Variants in ADAMTS17 observed in about 807,000 individuals in gnomAD.
The protein encoded by ADAMTS17 is ADAM metallopeptidase with thrombospondin type 1 motif 17.
A neutral mutation model predicts 141.5 loss-of-function variants in ADAMTS17; 113 were observed. The observed-to-expected ratio is 0.80, with a 90% CI of 0.69 to 0.93. The LOEUF (loss-of-function observed/expected upper bound fraction) is 0.93. Ranked by LOEUF, ADAMTS17 falls within the 40% of genes least tolerant of loss-of-function variation. The probability of loss-of-function intolerance (pLI) is 0.00; values close to 1 mark genes in which losing one functional copy is unlikely to be tolerated. For synonymous variants in ADAMTS17, 768 were observed against 630.6 expected (o/e 1.22, Z -3.27); for missense variants, 1,659 against 1,517.9 (o/e 1.09, Z -1.54).
intron 10 of ADAMTS17, among the ~76,000 whole-genome samples, chr15:100,133,962 A>G (rs1408685704): frequency 2.0e-5 from 3 of 152,254 alleles, no homozygotes; most frequent in Non-Finnish European, 4.4e-5. Context: ...AATTAAAATA[A>G]TTCCACTAAA....
At chr15:100,153,215 G>A (rs866824060) in intron 9 of ADAMTS17, among the ~76,000 whole-genome samples, 1 of 152,116 alleles carries the variant, frequency 6.6e-6, no homozygotes, top group Non-Finnish European at 1.5e-5. Flanking sequence ...GGTTCTTTTC[G>A]AGTGCTTGTG....
chr15:100,175,744 C>T (rs1343345039), intron 8 of ADAMTS17, among the ~76,000 whole-genome samples: 1 of 152,098 alleles, frequency 6.6e-6, no homozygotes, highest in East Asian at 1.9e-4. Flanking sequence ...GTGTCAACTC[C>T]AGCTTGTGGT....
At chr15:100,109,214 G>C in intron 13 of ADAMTS17, 98 bp from the exon 14 acceptor site, 1 of 1,528,030 alleles carries the variant, frequency 6.5e-7, no homozygotes, top group Non-Finnish European at 8.9e-7. Flanking sequence ...CTGAGGAAGA[G>C]AGGTCCGCAC....
intron 15 of ADAMTS17, among the ~76,000 whole-genome samples, chr15:100,093,797 G>A (rs115046289): frequency 0.01 from 1,582 of 152,164 alleles, 26 homozygotes; most frequent in African/African-American, 0.036. Flanking sequence ...CCCCTCCCTC[G>A]ACTGTACCTG....
chr15:100,005,083 G>T (rs910829270), intron 18 of ADAMTS17, among the ~76,000 whole-genome samples: 1 of 152,204 alleles, frequency 6.6e-6, no homozygotes, highest in Non-Finnish European at 1.5e-5. Flanking sequence ...GGAAGTCACA[G>T]TTAACGCTTC....
chr15:100,204,043 C>G (rs1364336773), intron 7 of ADAMTS17, among the ~76,000 whole-genome samples: 1 of 152,216 alleles, frequency 6.6e-6, no homozygotes, highest in Non-Finnish European at 1.5e-5. Context: ...CATTTGTCTT[C>G]TTTCCTTTCC....
At chr15:100,235,028 T>G (rs2042610898) in intron 7 of ADAMTS17, among the ~76,000 whole-genome samples, 1 of 152,092 alleles carries the variant, frequency 6.6e-6, no homozygotes, top group African/African-American at 2.4e-5. Context: ...GTTCACGGAA[T>G]AAAACCCCAG....
chr15:100,311,397 CT>C (rs1011244242), intron 3 of ADAMTS17, among the ~76,000 whole-genome samples: 4 of 152,256 alleles, frequency 2.6e-5, no homozygotes, highest in Non-Finnish European at 5.9e-5. Flanking sequence ...AGCCTCAGGG[CT>C]GGACCAGCTG....
chr15:100,281,139 TGAG>T, intron 4 of ADAMTS17, 87 bp downstream of exon 4: 1 of 1,560,830 alleles, frequency 6.4e-7, no homozygotes, highest in Non-Finnish European at 8.7e-7. Flanking sequence ...CTTCCTCACT[TGAG>T]GAGATGAGGA....
intron 18 of ADAMTS17, among the ~76,000 whole-genome samples, chr15:100,045,363 C>T (rs1161378912): frequency 6.6e-6 from 1 of 152,126 alleles, no homozygotes; most frequent in Non-Finnish European, 1.5e-5. Context: ...TTTGGAGTGG[C>T]TAGTGACCAC....
At chr15:100,114,259 C>T (rs1157184104) in intron 13 of ADAMTS17, among the ~76,000 whole-genome samples, 2 of 151,686 alleles carry the variant, frequency 1.3e-5, no homozygotes, top group African/African-American at 2.4e-5. Flanking sequence ...AATTCCGCAG[C>T]GATAGCACTG....
chr15:100,172,962 G>A (rs9806615), intron 8 of ADAMTS17, among the ~76,000 whole-genome samples: 15,609 of 152,196 alleles, frequency 0.1, 1,507 homozygotes, highest in African/African-American at 0.24. Flanking sequence ...AGCCATTGCT[G>A]CAGTGTAGAA....
chr15:100,308,739 C>A (rs983549087), intron 3 of ADAMTS17, among the ~76,000 whole-genome samples: 2 of 152,268 alleles, frequency 1.3e-5, no homozygotes, highest in South Asian at 4.1e-4. Flanking sequence ...ACTTTCTCCA[C>A]GAGACAACCC....
intron 3 of ADAMTS17, among the ~76,000 whole-genome samples, chr15:100,329,837 C>G (rs747742618): frequency 1.3e-5 from 2 of 152,190 alleles, no homozygotes; most frequent in Non-Finnish European, 2.9e-5. Context: ...CTGAGCTCAA[C>G]TGCAAAACTT....
intron 15 of ADAMTS17, chr15:100,063,576 C>T: frequency 9.4e-7 from 1 of 1,065,548 alleles, no homozygotes; most frequent in Non-Finnish European, 1.3e-6. Flanking sequence ...AGGCGTGAAA[C>T]CAGCCATAAC....
intron 20 of ADAMTS17, among the ~76,000 whole-genome samples, chr15:99,987,620 A>G (rs1026355936): frequency 1.3e-5 from 2 of 152,222 alleles, no homozygotes; most frequent in Non-Finnish European, 2.9e-5. Context: ...CGGCAAACGT[A>G]AACAGTCCGA....
At chr15:100,304,808 A>T (rs2045166541) in intron 3 of ADAMTS17, among the ~76,000 whole-genome samples, 1 of 152,048 alleles carries the variant, frequency 6.6e-6, no homozygotes, top group Admixed American at 6.6e-5. Context: ...TTATACATGG[A>T]TTTTCACCTC....
intron 7 of ADAMTS17, among the ~76,000 whole-genome samples, chr15:100,202,166 C>T (rs1596263204): frequency 6.6e-6 from 1 of 152,194 alleles, no homozygotes; most frequent in East Asian, 1.9e-4. Context: ...CAAACACATC[C>T]CCCCTGGCCT....
intron 18 of ADAMTS17, among the ~76,000 whole-genome samples, chr15:100,032,253 G>A (rs1241128525): frequency 6.6e-6 from 1 of 152,146 alleles, no homozygotes; most frequent in African/African-American, 2.4e-5. Flanking sequence ...AGCTAGGCAT[G>A]GGTAGAAAGT....
Sources: allele counts gnomAD v4.1 joint callset (sites outside exome capture counted in the v4.1 genomes callset), GRCh38; gene constraint gnomAD v4.1.1; transcripts MANE v1.5; gene names NCBI Gene and HGNC (gene_info 2026-07-23, HGNC 2026-07-21).